Variants in ADGRA1 observed in about 807,000 individuals in gnomAD.
ADGRA1 encodes the protein adhesion G protein-coupled receptor A1.
In ADGRA1, 12 loss-of-function variants were observed where a neutral mutation model predicts 21.3. That is an observed-to-expected ratio of 0.56 (90% CI 0.36 to 0.91). The LOEUF is 0.91. Ranked by LOEUF, ADGRA1 falls within the 40% of genes least tolerant of loss-of-function variation. The pLI, the probability that ADGRA1 is intolerant of heterozygous loss-of-function variation, is 0.01. For synonymous variants in ADGRA1, 385 were observed against 368.8 expected, an observed-to-expected ratio of 1.04 and a Z score of -0.50; for missense variants, 790 against 805.6, an observed-to-expected ratio of 0.98 and a Z score of 0.23.
intron 5 of ADGRA1, among the ~76,000 whole-genome samples, chr10:133,121,649 ATG>A (rs1411982067): frequency 7.5e-5 from 8 of 106,646 alleles, no homozygotes; most frequent in Non-Finnish European, 1.5e-4. Context: ...GTGCGTGTGC[ATG>A]TGTGTGGTGT....
chr10:133,103,343 C>A (rs181847178), intron 5 of ADGRA1, among the ~76,000 whole-genome samples: 1 of 152,196 alleles, frequency 6.6e-6, no homozygotes, highest in Non-Finnish European at 1.5e-5. Context: ...TGACTGTCAG[C>A]GGGTGGAAAA....
At position 133,127,082 on chromosome 10, in the gene ADGRA1, GT is replaced by G; in HGVS notation, c.402-150del. 4.3e-6 allele frequency: 2 copies of G among 468,472 alleles called. 1 individual carries two copies. The highest frequency in any genetic ancestry group is 7.3e-5 in the South Asian group (2 of 27,516). 29.0% of individuals were successfully genotyped at this position (468,472 alleles called of 1,614,324 possible). On this transcript the variant is annotated intron_variant, in intron 5 of 6. Transcript: ENST00000392607. ...CTGGCTGCTCGGTCAGTGGTCGGGG[GT>G]CGGGGGTCGGGGGTCGGGGTTCTTG...
chr10:133,094,246 G>A (rs1029280408), intron 2 of ADGRA1, among the ~76,000 whole-genome samples: 6 of 152,232 alleles, frequency 3.9e-5, no homozygotes, highest in Admixed American at 6.5e-5. Context: ...GCCCTGAGAC[G>A]TTTGCCTCTT....
At chr10:133,100,706 G>A (rs929084782) in intron 4 of ADGRA1, among the ~76,000 whole-genome samples, 2 of 152,220 alleles carry the variant, frequency 1.3e-5, no homozygotes, top group Non-Finnish European at 2.9e-5. Flanking sequence ...CCACTCACTC[G>A]CTCACTCAGC....
At chr10:133,092,680 A>C (rs1256256635) in intron 2 of ADGRA1, among the ~76,000 whole-genome samples, 1 of 152,036 alleles carries the variant, frequency 6.6e-6, no homozygotes, top group Non-Finnish European at 1.5e-5. Flanking sequence ...AGGGAGAACC[A>C]GAAAAAACAA....
chr10:133,090,770 G>A (rs1851585472), intron 2 of ADGRA1, among the ~76,000 whole-genome samples: 1 of 152,202 alleles, frequency 6.6e-6, no homozygotes, highest in Non-Finnish European at 1.5e-5. Flanking sequence ...CCAAGTGTAA[G>A]GGCATAGGGC....
At chr10:133,093,649 G>A (rs186237749) in intron 2 of ADGRA1, among the ~76,000 whole-genome samples, 189 of 152,330 alleles carry the variant, frequency 1.2e-3, no homozygotes, top group African/African-American at 4.1e-3. Flanking sequence ...AGAAGGTCGG[G>A]GCCACCTTCA....
chr10:133,098,867 G>A, intron 4 of ADGRA1, 104 bp downstream of exon 4: 2 of 1,452,980 alleles, frequency 1.4e-6, no homozygotes, highest in Non-Finnish European at 1.9e-6. Context: ...TATTTCCCGG[G>A]AAGAGGGTCG....
chr10:133,122,517 C>T (rs1348427809), intron 5 of ADGRA1, among the ~76,000 whole-genome samples: 1 of 152,250 alleles, frequency 6.6e-6, no homozygotes, highest in Non-Finnish European at 1.5e-5. Flanking sequence ...TCCACCTGCA[C>T]CACAGGCCTG....
intron 5 of ADGRA1, among the ~76,000 whole-genome samples, chr10:133,117,890 G>C (rs925131977): frequency 3.9e-5 from 6 of 152,230 alleles, no homozygotes; most frequent in Non-Finnish European, 8.8e-5. Flanking sequence ...TGGCCAGACA[G>C]CAATCATCCC....
At chr10:133,111,893 A>AG (rs1852026023) in intron 5 of ADGRA1, among the ~76,000 whole-genome samples, 4 of 17,242 alleles carry the variant, frequency 2.3e-4, no homozygotes, top group Non-Finnish European at 3.9e-4. Flanking sequence ...CCCACCACAG[A>AG]CACCTCCCTC....
At chr10:133,100,459 G>A (rs1200900502) in intron 4 of ADGRA1, among the ~76,000 whole-genome samples, 2 of 152,216 alleles carry the variant, frequency 1.3e-5, no homozygotes, top group Non-Finnish European at 2.9e-5. Context: ...AACCCCGCCC[G>A]CGCCTTCGGG....
chr10:133,093,061 AAAG>A (rs760648467), intron 2 of ADGRA1: 54 of 1,596,124 alleles, frequency 3.4e-5, no homozygotes, highest in Non-Finnish European at 4.5e-5. Flanking sequence ...ACTGTGTAGG[AAAG>A]AAGGTTCCTC....
intron 5 of ADGRA1, among the ~76,000 whole-genome samples, chr10:133,110,149 C>T (rs1415620586): frequency 6.6e-6 from 1 of 152,278 alleles, no homozygotes; most frequent in Non-Finnish European, 1.5e-5. Flanking sequence ...CTCCAAAGTT[C>T]TCCTGTCCTG....
intron 5 of ADGRA1, among the ~76,000 whole-genome samples, chr10:133,120,705 C>G (rs374943982): frequency 1.3e-5 from 2 of 152,208 alleles, no homozygotes; most frequent in South Asian, 4.1e-4. Flanking sequence ...TCCATCCAGA[C>G]CATTAAAACT....
chr10:133,110,128 C>G (rs574241455), intron 5 of ADGRA1, among the ~76,000 whole-genome samples: 43 of 152,386 alleles, frequency 2.8e-4, no homozygotes, highest in African/African-American at 1.0e-3. Context: ...GTCCAAGACT[C>G]CAGGTGCCGT....
chr10:133,096,930 G>T (rs1851699465), intron 2 of ADGRA1, 44 bp from the exon 3 acceptor site: 1 of 1,586,340 alleles, frequency 6.3e-7, no homozygotes, highest in South Asian at 1.1e-5. Context: ...CGCCCACACA[G>T]ACCCACCAGC....
chr10:133,109,511 C>T (rs1478786692), intron 5 of ADGRA1, among the ~76,000 whole-genome samples: 1 of 152,174 alleles, frequency 6.6e-6, no homozygotes, highest in Non-Finnish European at 1.5e-5. Context: ...CTCACCTGCC[C>T]TTTGAGCACT....
At position 133,121,372 on chromosome 10, in the gene ADGRA1, C is replaced by T. The variant is rs181133071; in HGVS notation, c.402-5861C>T. On this transcript the variant is annotated intron_variant, in intron 5 of 6. Coordinates refer to ENST00000392607, the MANE Select transcript of ADGRA1 (RefSeq NM_001083909.3). ...TGTGTGTGTGGAATGTGCCAGGGTA[C>T]GTGTGTGCATGTGTGTGGTGTGTGT... Among the ~76,000 whole-genome samples, 534 of 151,704 alleles carry T rather than the reference C, an allele frequency of 3.5e-3. 3 individuals are homozygous for T. The highest frequency in any genetic ancestry group is 9.2e-3 in the African/African-American group (382 of 41,318).
Sources: allele counts gnomAD v4.1 joint callset (sites outside exome capture counted in the v4.1 genomes callset), GRCh38; gene constraint gnomAD v4.1.1; transcripts MANE v1.5; gene names NCBI Gene and HGNC (gene_info 2026-07-23, HGNC 2026-07-21).